UVRAG: variants seen among roughly 807,000 people sequenced by gnomAD.
The protein encoded by UVRAG is UV radiation resistance associated, also known as UV radiation resistance-associated gene protein.
A neutral mutation model predicts 78.0 loss-of-function variants in UVRAG; 19 were observed. The ratio of observed to expected loss-of-function variants is 0.24; its 90% CI spans 0.17 to 0.36. The LOEUF (loss-of-function observed/expected upper bound fraction) is 0.36. Among genes scored for constraint, UVRAG ranks in the 10% least tolerant of loss-of-function variants. The pLI is 1.00. For missense variants in UVRAG, 740 were observed against 853.8 expected, an observed-to-expected ratio of 0.87 and a Z score of 1.66; for synonymous variants, 323 against 324.6, an observed-to-expected ratio of 1.00 and a Z score of 0.05.
chr11:75,983,303 T>C, intron 7 of UVRAG, 84 bp from the exon 8 acceptor site: 1 of 1,261,586 alleles, frequency 7.9e-7, no homozygotes, highest in Non-Finnish European at 1.1e-6. Flanking sequence ...AAGCCATTAT[T>C]TATTTTTAAA....
chr11:75,970,128 A>AT (rs1176959923), intron 7 of UVRAG, among the ~76,000 whole-genome samples: 1 of 152,226 alleles, frequency 6.6e-6, no homozygotes, highest in Non-Finnish European at 1.5e-5. Flanking sequence ...TAGTGCAGTA[A>AT]TTATGTGTGT....
intron 14 of UVRAG, among the ~76,000 whole-genome samples, chr11:76,135,371 C>CT (rs1400123312): frequency 6.6e-6 from 1 of 152,136 alleles, no homozygotes; most frequent in Non-Finnish European, 1.5e-5. Flanking sequence ...AATTAATCAT[C>CT]TTAATTTAGA....
chr11:76,128,273 G>C (rs1952449701), intron 14 of UVRAG, among the ~76,000 whole-genome samples: 1 of 152,138 alleles, frequency 6.6e-6, no homozygotes. Flanking sequence ...ACTCACGCGG[G>C]GGATCTAGGT....
At chr11:75,824,035 A>G (rs1250852335) in intron 1 of UVRAG, among the ~76,000 whole-genome samples, 1 of 152,166 alleles carries the variant, frequency 6.6e-6, no homozygotes, top group African/African-American at 2.4e-5. Context: ...TACTTTTGCT[A>G]ATCTAATTTA....
chr11:76,007,590 C>G lies in UVRAG; in HGVS notation c.968C>G (p.Ser323Cys), dbSNP rs1242118739. 1 of 1,613,758 alleles carries G rather than the reference C, an allele frequency of 6.2e-7. No homozygotes were observed. The highest frequency in any genetic ancestry group is 8.5e-7 in the Non-Finnish European group (1 of 1,179,966). Reference sequence around the variant, plus strand: ...ACAATTCGTTGCAGGCAGTTACTCTCTGAGCTTTCCTACATTTACCCTATT... The same window carrying G: ...ACAATTCGTTGCAGGCAGTTACTCTGTGAGCTTTCCTACATTTACCCTATT... ...QLTIRCRQLL[S>C]ELSYIYPIDL... Residue 323 changes from serine to cysteine, a missense_variant, in exon 10 of 15, where the codon TCT becomes TGT. By Grantham distance (112) the Ser-to-Cys change is moderately radical. Transcript: ENST00000356136.
intron 7 of UVRAG, among the ~76,000 whole-genome samples, chr11:75,964,765 G>T (rs186708191): frequency 6.6e-6 from 1 of 152,234 alleles, no homozygotes; most frequent in East Asian, 1.9e-4. Flanking sequence ...AGCTGGGTGT[G>T]GTTCTATAGT....
Position 76,027,036 on chromosome 11 carries a change from ACAT to A in UVRAG, c.1226+10061_1226+10063del, listed in dbSNP as rs371945498. Among the ~76,000 whole-genome samples the A allele has an allele frequency of 3.1e-3, 465 of 152,234 alleles. 5 individuals are homozygous for A. The highest frequency in any genetic ancestry group is 0.013 in the South Asian group (61 of 4,828). ...TTTTAGAACCAGTCGGAATATTATT[ACAT>A]CATCTGATTGAACCCTTCATTTCAC... is the stretch of plus-strand genomic sequence containing the variant. On this transcript the variant is annotated intron_variant, in intron 12 of 14. Coordinates refer to ENST00000356136, the MANE Select transcript of UVRAG (RefSeq NM_003369.4).
chr11:76,047,187 C>T (rs1950774509), intron 12 of UVRAG, among the ~76,000 whole-genome samples: 1 of 152,306 alleles, frequency 6.6e-6, no homozygotes, highest in Non-Finnish European at 1.5e-5. Context: ...AGAAGCACCT[C>T]ACTTCTTTTG....
intron 8 of UVRAG, among the ~76,000 whole-genome samples, chr11:75,987,633 A>G (rs1488826297): frequency 1.3e-5 from 2 of 152,164 alleles, no homozygotes; most frequent in Non-Finnish European, 2.9e-5. Context: ...AATATTTCAT[A>G]GAGGGTTTAA....
intron 6 of UVRAG, among the ~76,000 whole-genome samples, chr11:75,956,707 A>G (rs543361969): frequency 7.2e-5 from 11 of 152,282 alleles, no homozygotes; most frequent in Admixed American, 6.5e-4. Context: ...TTTGCCAGCA[A>G]TGCATGCAAG....
At chr11:75,987,802 TCTCGG>T (rs1322539284) in intron 8 of UVRAG, among the ~76,000 whole-genome samples, 1 of 151,970 alleles carries the variant, frequency 6.6e-6, no homozygotes, top group Non-Finnish European at 1.5e-5. Flanking sequence ...AATGGCGTGG[TCTCGG>T]CTCACTGCAC....
chr11:75,976,166 C>T (rs1204577591), intron 7 of UVRAG, among the ~76,000 whole-genome samples: 12 of 152,054 alleles, frequency 7.9e-5, no homozygotes, highest in Non-Finnish European at 1.3e-4. Context: ...TGCTGGATTA[C>T]GTTTATTGAT....
chr11:76,004,108 G>C lies in UVRAG; in HGVS notation c.911+19G>C. On this transcript the variant is annotated intron_variant, in intron 9 of 14. Transcript: ENST00000356136. ...CAAAAAGGTAAATGCACACTGAGAA[G>C]AATTGCTGTGAGTGTGGAGTTTACT... 1.2e-6 allele frequency: 2 copies of C among 1,608,450 alleles called. No individual in the cohort carries two copies. The highest frequency in any genetic ancestry group is 1.7e-6 in the Non-Finnish European group (2 of 1,175,122).
chr11:75,857,370 C>T (rs984716245), intron 2 of UVRAG, among the ~76,000 whole-genome samples: 1 of 152,202 alleles, frequency 6.6e-6, no homozygotes, highest in Non-Finnish European at 1.5e-5. Context: ...GTAGCTGTTG[C>T]TTGAATGCAT....
At chr11:76,088,104 G>A (rs920403294) in intron 13 of UVRAG, among the ~76,000 whole-genome samples, 10 of 152,078 alleles carry the variant, frequency 6.6e-5, no homozygotes, top group Admixed American at 2.0e-4. Flanking sequence ...GTTTTGCCAC[G>A]TTGCCCAGGC....
rs1478310271 is a variant in UVRAG, at chr11:75,828,805, A to ATATATATT, written c.117+13282_117+13283insATATATTT. On this transcript the variant is annotated intron_variant, in intron 1 of 14. Transcript: ENST00000356136. Reference sequence around the variant, plus strand: ...CATATATATATATATATATATATATATTTTTTTTTTTTTGTAGAGACAGGG... The same window carrying ATATATATT: ...CATATATATATATATATATATATATATATATATTTTTTTTTTTTTTTGTAGAGACAGGG... Among the ~76,000 whole-genome samples, 29 of 100,256 alleles carry ATATATATT rather than the reference A, an allele frequency of 2.9e-4. 1 individual carries two copies. Among genetic ancestry groups the ATATATATT allele is most frequent in the African/African-American group, 1.1e-3 (28 of 25,300 alleles). 65.8% of individuals were successfully genotyped at this position (100,256 alleles called of 152,430 possible). A position where few individuals can be genotyped will look rare whatever the true frequency, so the allele number is the denominator to read the frequency against.
chr11:76,008,895 G>A (rs748259238), intron 11 of UVRAG, 28 bp downstream of exon 11: 2 of 1,243,172 alleles, frequency 1.6e-6, no homozygotes, highest in Non-Finnish European at 2.2e-6. Flanking sequence ...TTGAAGATTT[G>A]TTATATATTA....
At chr11:75,923,490 C>T (rs1033560697) in intron 6 of UVRAG, among the ~76,000 whole-genome samples, 15 of 152,168 alleles carry the variant, frequency 9.9e-5, no homozygotes, top group African/African-American at 3.6e-4. Context: ...GTCTCTGGAT[C>T]GCTGGGAAGA....
intron 2 of UVRAG, among the ~76,000 whole-genome samples, chr11:75,853,041 G>A (rs75647695): frequency 0.044 from 6,652 of 152,066 alleles, 525 homozygotes; most frequent in African/African-American, 0.15. Flanking sequence ...CTCCCAAGTA[G>A]CTGGGACTAC....
Sources: allele counts gnomAD v4.1 joint callset (sites outside exome capture counted in the v4.1 genomes callset), GRCh38; gene constraint gnomAD v4.1.1; transcripts MANE v1.5; gene names NCBI Gene and HGNC (gene_info 2026-07-23, HGNC 2026-07-21).